The following ERC2 variants were observed in gnomAD, a reference collection of about 807,000 sequenced individuals.
ERC2 encodes ERC protein 2.
ERC2 carries 42 observed loss-of-function variants against 114.8 expected under a neutral mutation model. The observed-to-expected ratio is 0.37, with a 90% CI of 0.29 to 0.47. The LOEUF (loss-of-function observed/expected upper bound fraction) is 0.47. ERC2 is among the 20% of genes least tolerant of loss of function. The pLI is 0.99. For missense variants in ERC2, 939 were observed against 1,150.7 expected (o/e 0.82, Z 2.66); for synonymous variants, 454 against 425.5 (o/e 1.07, Z -0.82).
intron 14 of ERC2, among the ~76,000 whole-genome samples, chr3:55,854,938 C>T (rs768427332): frequency 2.0e-5 from 3 of 152,034 alleles, no homozygotes; most frequent in Non-Finnish European, 4.4e-5. Flanking sequence ...AAATAGAGAC[C>T]CTCACATCCT....
chr3:56,332,265 A>C lies in ERC2; in HGVS notation c.658-35830T>G, dbSNP rs2057659806. ...CATGAGGCAAAATGCTTAGGGAGGC[A>C]TTAGGAGCTACTGCCAAAGCATCCA... On this transcript the variant is annotated intron_variant, in intron 2 of 17. Coordinates refer to ENST00000288221, the MANE Select transcript of ERC2 (RefSeq NM_015576.3). Among the ~76,000 whole-genome samples, 3 of 152,340 alleles carry C rather than the reference A, an allele frequency of 2.0e-5. No homozygotes were observed. In the South Asian group the frequency reaches 6.2e-4, roughly 32 times the overall value.
At chr3:56,319,309 TAA>T (rs886566598) in intron 2 of ERC2, among the ~76,000 whole-genome samples, 1 of 142,776 alleles carries the variant, frequency 7.0e-6, no homozygotes. Flanking sequence ...TATTCAGCCT[TAA>T]AAAAAAAAAA....
chr3:55,644,414 G>C (rs2060308572), intron 17 of ERC2, among the ~76,000 whole-genome samples: 1 of 152,160 alleles, frequency 6.6e-6, no homozygotes, highest in Admixed American at 6.5e-5. Flanking sequence ...TGATGTCATA[G>C]AAAAAGTGTG....
chr3:55,771,916 T>C (rs969850127), intron 14 of ERC2, among the ~76,000 whole-genome samples: 1 of 152,146 alleles, frequency 6.6e-6, no homozygotes, highest in African/African-American at 2.4e-5. Context: ...TCCTATCCAG[T>C]TGTAACCTTC....
intron 17 of ERC2, among the ~76,000 whole-genome samples, chr3:55,565,984 T>C (rs2056345345): frequency 6.6e-6 from 1 of 152,204 alleles, no homozygotes; most frequent in African/African-American, 2.4e-5. Flanking sequence ...CAAATGAAAT[T>C]GTTGCACCCA....
At chr3:56,069,502 C>T (rs1472698525) in intron 7 of ERC2, among the ~76,000 whole-genome samples, 13 of 152,128 alleles carry the variant, frequency 8.5e-5, no homozygotes, top group South Asian at 2.1e-4. Flanking sequence ...TGGGGTATTA[C>T]AAGGGTGAAA....
chr3:56,255,302 C>T (rs1381493325), intron 3 of ERC2, among the ~76,000 whole-genome samples: 1 of 152,202 alleles, frequency 6.6e-6, no homozygotes, highest in East Asian at 1.9e-4. Flanking sequence ...GTAACCCCCA[C>T]CACGGACTCC....
intron 14 of ERC2, among the ~76,000 whole-genome samples, chr3:55,775,444 T>A (rs1260682136): frequency 6.6e-6 from 1 of 151,656 alleles, no homozygotes. Flanking sequence ...GGTGGGAAGA[T>A]CACTTGAGCC....
At chr3:55,994,516 G>A (rs984542626) in intron 10 of ERC2, among the ~76,000 whole-genome samples, 1 of 151,746 alleles carries the variant, frequency 6.6e-6, no homozygotes, top group African/African-American at 2.4e-5. Flanking sequence ...ACAAACACGG[G>A]GGGAGATATT....
At chr3:56,084,762 C>T (rs913169575) in intron 6 of ERC2, among the ~76,000 whole-genome samples, 2 of 151,718 alleles carry the variant, frequency 1.3e-5, no homozygotes, top group Non-Finnish European at 2.9e-5. Flanking sequence ...GCAAGGTACA[C>T]TACTCAGGTG....
intron 13 of ERC2, among the ~76,000 whole-genome samples, chr3:55,906,573 C>A (rs1249432621): frequency 6.6e-6 from 1 of 152,112 alleles, no homozygotes; most frequent in African/African-American, 2.4e-5. Context: ...ACTGAGGATG[C>A]GGTCCAACAA....
chr3:55,544,355 AG>A (rs2054599197), intron 17 of ERC2, among the ~76,000 whole-genome samples: 1 of 152,132 alleles, frequency 6.6e-6, no homozygotes, highest in African/African-American at 2.4e-5. Context: ...CCTCAACGAC[AG>A]CATTTTATTA....
Position 56,149,005 on chromosome 3 carries a change from T to C in ERC2, c.1277A>G (p.Lys426Arg), listed in dbSNP as rs375572474. Residue 426 changes from lysine to arginine, a missense_variant, in exon 5 of 18, where the codon AAA becomes AGA. This residue lies in a region of ERC2 where 148 missense variants were observed against 159.1 expected (regional missense o/e 0.93). Transcript: ENST00000288221. ...GGTCTTCATAAACTTGGAGTGACTTTTGTAAACCTCAATTTGTTTGATCTC... is the reference window on the plus strand; with the variant it reads ...GGTCTTCATAAACTTGGAGTGACTTCTGTAAACCTCAATTTGTTTGATCTC... ...EEEIKQIEVY[K>R]SHSKFMKTKI... The C allele has an allele frequency of 2.3e-5, 37 of 1,613,330 alleles. No homozygotes were observed. Among genetic ancestry groups the C allele is most frequent in the Non-Finnish European group, 3.1e-5 (36 of 1,179,568 alleles).
At chr3:55,633,016 T>G (rs867611349) in intron 17 of ERC2, among the ~76,000 whole-genome samples, 1 of 152,198 alleles carries the variant, frequency 6.6e-6, no homozygotes, top group Admixed American at 6.5e-5. Flanking sequence ...TTTATCCATC[T>G]AATCAAGAGA....
At chr3:55,804,604 TAAG>T (rs1187714501) in intron 14 of ERC2, among the ~76,000 whole-genome samples, 3 of 152,108 alleles carry the variant, frequency 2.0e-5, no homozygotes, top group Admixed American at 6.6e-5. Context: ...CTTGTGACCC[TAAG>T]AAGAACTGAC....
At chr3:56,293,832 T>C (rs1560536350) in intron 3 of ERC2, among the ~76,000 whole-genome samples, 2 of 152,132 alleles carry the variant, frequency 1.3e-5, no homozygotes, top group African/African-American at 4.8e-5. Flanking sequence ...CCAAGATGAA[T>C]TGTGTTTAGA....
intron 2 of ERC2, among the ~76,000 whole-genome samples, chr3:56,367,384 T>C (rs1008375143): frequency 6.6e-6 from 1 of 152,046 alleles, no homozygotes; most frequent in Non-Finnish European, 1.5e-5. Context: ...CCTAGTAAAT[T>C]CTCCCCCGCC....
chr3:55,864,186 T>TATATATATATATATACAC (rs1559783422), intron 14 of ERC2, among the ~76,000 whole-genome samples: 1 of 139,638 alleles, frequency 7.2e-6, no homozygotes, highest in African/African-American at 2.8e-5. Context: ...TATATACACA[T>TATATATATATATATACAC]ATATATATAC....
chr3:56,286,033 TA>T (rs1020157800), intron 3 of ERC2, among the ~76,000 whole-genome samples: 2 of 152,134 alleles, frequency 1.3e-5, no homozygotes, highest in Admixed American at 1.3e-4. Context: ...ACACCACTCC[TA>T]AAAGAGGTGC....
Sources: gnomAD v4.1 joint callset for allele counts (sites outside exome capture counted in the v4.1 genomes callset) on GRCh38, gnomAD v4.1.1 for gene constraint, gnomAD v4.1.1 regional missense constraint, MANE v1.5 for transcripts, NCBI Gene and HGNC (gene_info 2026-07-23, HGNC 2026-07-21) for gene names.